MACF1: variants seen among roughly 807,000 people sequenced by gnomAD.
The protein encoded by MACF1 is microtubule-actin cross-linking factor 1.
In MACF1, 193 loss-of-function variants were observed where a neutral mutation model predicts 854.8. The ratio of observed to expected loss-of-function variants is 0.23; its 90% CI spans 0.20 to 0.25. The LOEUF (loss-of-function observed/expected upper bound fraction) is 0.25, where lower values mean the gene tolerates loss of function less well. MACF1 is among the 10% of genes least tolerant of loss of function. The pLI, the probability that MACF1 is intolerant of heterozygous loss-of-function variation, is 1.00. For synonymous variants in MACF1, 3,185 were observed against 3,226.7 expected (o/e 0.99, Z 0.44); for missense variants, 7,722 against 8,929.1 (o/e 0.86, Z 5.45).
At chr1:39,151,073 T>A (rs1643568662) in intron 2 of MACF1, among the ~76,000 whole-genome samples, 1 of 152,226 alleles carries the variant, frequency 6.6e-6, no homozygotes, top group African/African-American at 2.4e-5. Context: ...ATGTTCCAGA[T>A]GAAACCCTTC....
At chr1:39,290,722 C>T (rs1645761801) in intron 15 of MACF1, among the ~76,000 whole-genome samples, 1 of 136,628 alleles carries the variant, frequency 7.3e-6, no homozygotes, top group Non-Finnish European at 1.5e-5. Flanking sequence ...AACTGGAGTG[C>T]AATGGCACGA....
chr1:39,094,411 A>G (rs1180865940), intron 2 of MACF1, among the ~76,000 whole-genome samples: 1 of 151,740 alleles, frequency 6.6e-6, no homozygotes, highest in Non-Finnish European at 1.5e-5. Flanking sequence ...TCCAAAAAAA[A>G]AAAAAGAAAA....
chr1:39,290,571 T>C (rs1645754961), intron 15 of MACF1, among the ~76,000 whole-genome samples: 1 of 147,690 alleles, frequency 6.8e-6, no homozygotes, highest in South Asian at 2.2e-4. Flanking sequence ...GTGAAGAATG[T>C]CTTGTATTTT....
At chr1:39,103,913 T>C (rs148248962) in intron 2 of MACF1, among the ~76,000 whole-genome samples, 13 of 152,362 alleles carry the variant, frequency 8.5e-5, no homozygotes, top group African/African-American at 3.1e-4. Context: ...AAGCGTCATT[T>C]GTTTTACTTG....
intron 2 of MACF1, chr1:39,102,813 C>G (rs2148133476): frequency 1.4e-6 from 1 of 702,580 alleles, no homozygotes; most frequent in South Asian, 1.5e-5. Context: ...AAGGAGAAAG[C>G]CTCAGAGCTT....
At chr1:39,467,152 G>T (rs1363093572) in intron 95 of MACF1, among the ~76,000 whole-genome samples, 4 of 152,148 alleles carry the variant, frequency 2.6e-5, no homozygotes, top group Admixed American at 2.6e-4. Context: ...AGATCACGAG[G>T]TCAGGAGATC....
At chr1:39,448,821 TA>T in intron 84 of MACF1, 58 bp downstream of exon 84, 1 of 1,396,744 alleles carries the variant, frequency 7.2e-7, no homozygotes, top group Non-Finnish European at 9.6e-7. Flanking sequence ...AAGAGGTTCT[TA>T]CCAGATTCTA....
At chr1:39,311,117 A>G in intron 26 of MACF1, 117 bp downstream of exon 26, 3 of 1,140,386 alleles carry the variant, frequency 2.6e-6, no homozygotes, top group Non-Finnish European at 3.7e-6. Flanking sequence ...AGTCCTTCTC[A>G]GGAGTTCTTC....
chr1:39,183,434 C>A (rs1202391953), intron 2 of MACF1, among the ~76,000 whole-genome samples: 1 of 152,034 alleles, frequency 6.6e-6, no homozygotes, highest in Non-Finnish European at 1.5e-5. Context: ...GTATTGGGCC[C>A]CTTATTGCTG....
At chr1:39,439,230 T>A in intron 71 of MACF1, 44 bp from the exon 72 acceptor site, 1 of 1,194,836 alleles carries the variant, frequency 8.4e-7, no homozygotes, top group Non-Finnish European at 1.2e-6. Flanking sequence ...AATTTCAGGC[T>A]CTTCAGAAAG....
chr1:39,231,101 G>A (rs957887812), intron 1 of MACF1, 81 bp from the exon 2 acceptor site: 1 of 1,013,308 alleles, frequency 9.9e-7, no homozygotes, highest in African/African-American at 1.8e-5. Flanking sequence ...TAGAGAAACA[G>A]AGATGTGGGC....
chr1:39,299,381 G>A, intron 21 of MACF1: 1 of 425,196 alleles, frequency 2.4e-6, no homozygotes. Flanking sequence ...GCCCTCTTCT[G>A]GGGAGACTTT....
At chr1:39,446,070 CAG>C (rs2148671313) in intron 80 of MACF1, among the ~76,000 whole-genome samples, 1 of 152,320 alleles carries the variant, frequency 6.6e-6, no homozygotes, top group Admixed American at 6.5e-5. Flanking sequence ...AAGAAATTTT[CAG>C]AGAGTTTTCT....
intron 2 of MACF1, among the ~76,000 whole-genome samples, chr1:39,125,909 C>T (rs993258242): frequency 1.3e-5 from 2 of 152,148 alleles, no homozygotes; most frequent in Non-Finnish European, 2.9e-5. Flanking sequence ...AGGAGAATCG[C>T]TTTAACCCGG....
rs889946336 is a variant in MACF1 at position 39,283,994 on chromosome 1, C to T, written c.916-72C>T. 7.1e-6 allele frequency: 11 copies of T among 1,554,986 alleles called. No individual in the cohort carries two copies. The highest frequency in any genetic ancestry group is 9.7e-6 in the Non-Finnish European group (11 of 1,139,624). On this transcript the variant is annotated intron_variant, in intron 9 of 100. Coordinates refer to ENST00000564288, the MANE Select transcript of MACF1 (RefSeq NM_001394062.1). The surrounding 1 kb of genome is among the most constrained non-coding windows in gnomAD (Gnocchi z 4.5). The stretch of plus-strand genomic sequence containing the variant: ...TGGATTTTATATAGTTTGGAGTGGC[C>T]TGAGCTACTTTCTCTTGTGCTTGTT...
At chr1:39,485,501 T>A (rs1645089617) in intron 100 of MACF1, 37 bp from the exon 101 acceptor site, 1 of 1,552,582 alleles carries the variant, frequency 6.4e-7, no homozygotes, top group African/African-American at 1.4e-5. Context: ...CCCCATGCCA[T>A]CTCTATTAAG....
intron 2 of MACF1, among the ~76,000 whole-genome samples, chr1:39,135,887 A>G (rs933762771): frequency 2.0e-5 from 3 of 151,892 alleles, no homozygotes; most frequent in Non-Finnish European, 2.9e-5. Flanking sequence ...ACATATCTAG[A>G]CTCTTGGATT....
chr1:39,425,002 A>G (rs1422567571), intron 61 of MACF1, among the ~76,000 whole-genome samples: 1 of 152,100 alleles, frequency 6.6e-6, no homozygotes, highest in African/African-American at 2.4e-5. Flanking sequence ...TGGCTTGCCT[A>G]TGTTAGTGGA....
At chr1:39,418,247 G>A (rs962558071) in intron 58 of MACF1, among the ~76,000 whole-genome samples, 4 of 152,208 alleles carry the variant, frequency 2.6e-5, no homozygotes, top group African/African-American at 9.6e-5. Context: ...GTAAGGGAAA[G>A]TGGGAGACAC....
Sources: gnomAD v4.1 joint callset for allele counts (sites outside exome capture counted in the v4.1 genomes callset) on GRCh38, gnomAD v4.1.1 for gene constraint, Gnocchi (gnomAD v3.1) non-coding constraint, MANE v1.5 for transcripts, NCBI Gene and HGNC (gene_info 2026-07-23, HGNC 2026-07-21) for gene names.